Variants in ADAMTSL1 observed in about 807,000 individuals in gnomAD.
ADAMTSL1 encodes the protein ADAMTS like 1.
ADAMTSL1 carries 126 observed loss-of-function variants against 201.8 expected under a neutral mutation model. The observed-to-expected ratio is 0.62, with a 90% CI of 0.54 to 0.72. The LOEUF (loss-of-function observed/expected upper bound fraction) is 0.72, where lower values mean the gene tolerates loss of function less well. Among genes scored for constraint, ADAMTSL1 ranks in the 30% least tolerant of loss-of-function variants. The pLI is 0.00. For missense variants in ADAMTSL1, 2,679 were observed against 2,277.8 expected (o/e 1.18, Z -3.59); for synonymous variants, 1,121 against 903.4 (o/e 1.24, Z -4.32).
At chr9:18,371,083 T>C (rs1006359380) in intron 2 of ADAMTSL1, among the ~76,000 whole-genome samples, 5 of 152,202 alleles carry the variant, frequency 3.3e-5, no homozygotes, top group Admixed American at 2.6e-4. Flanking sequence ...CATATCTCAA[T>C]TTAAAAACTA....
intron 23 of ADAMTSL1, among the ~76,000 whole-genome samples, chr9:18,835,252 C>T (rs1742880823): frequency 6.6e-6 from 1 of 152,010 alleles, no homozygotes; most frequent in African/African-American, 2.4e-5. Flanking sequence ...TGTTTATTTG[C>T]CATCCTGATT....
intron 2 of ADAMTSL1, among the ~76,000 whole-genome samples, chr9:18,364,785 G>A (rs1328926251): frequency 6.6e-6 from 1 of 152,112 alleles, no homozygotes; most frequent in Non-Finnish European, 1.5e-5. Flanking sequence ...AATCATGGGG[G>A]AAGGTGAAGG....
At chr9:18,137,276 G>A (rs1459905580) in intron 1 of ADAMTSL1, among the ~76,000 whole-genome samples, 1 of 152,118 alleles carries the variant, frequency 6.6e-6, no homozygotes, top group Non-Finnish European at 1.5e-5. Context: ...ACATAAGTTT[G>A]AAAACAGATG....
At chr9:17,933,429 G>A (rs1588438236) in intron 1 of ADAMTSL1, among the ~76,000 whole-genome samples, 1 of 152,124 alleles carries the variant, frequency 6.6e-6, no homozygotes, top group East Asian at 1.9e-4. Flanking sequence ...AGATAGGGCA[G>A]GGCATATTTT....
chr9:18,867,697 G>A (rs1306098963), intron 23 of ADAMTSL1, among the ~76,000 whole-genome samples: 1 of 152,034 alleles, frequency 6.6e-6, no homozygotes, highest in African/African-American at 2.4e-5. Context: ...TGTGATCTCA[G>A]CTCACTGCAA....
intron 2 of ADAMTSL1, among the ~76,000 whole-genome samples, chr9:18,353,439 C>T (rs889639397): frequency 6.6e-6 from 1 of 152,152 alleles, no homozygotes; most frequent in Admixed American, 6.5e-5. Context: ...GAGATAAATT[C>T]GTGGACATCC....
At chr9:18,784,023 G>C (rs78948400) in intron 19 of ADAMTSL1, among the ~76,000 whole-genome samples, 1 of 152,210 alleles carries the variant, frequency 6.6e-6, no homozygotes, top group Non-Finnish European at 1.5e-5. Flanking sequence ...TTGACATCCA[G>C]TTATCTCTCC....
At chr9:18,362,241 C>G (rs1836558587) in intron 2 of ADAMTSL1, 1 of 152,120 alleles carries the variant, frequency 6.6e-6, no homozygotes, top group Non-Finnish European at 1.5e-5. Flanking sequence ...GAGCAGAATG[C>G]AAAAGCAGTT....
At chr9:18,316,430 G>C (rs755416011) in intron 2 of ADAMTSL1, among the ~76,000 whole-genome samples, 12 of 152,034 alleles carry the variant, frequency 7.9e-5, no homozygotes, top group African/African-American at 2.9e-4. Flanking sequence ...ACCTGGGGGG[G>C]CCGTTTATAG....
chr9:18,716,539 T>TACC (rs1832949277), intron 14 of ADAMTSL1, among the ~76,000 whole-genome samples: 2 of 149,668 alleles, frequency 1.3e-5, no homozygotes, highest in African/African-American at 4.9e-5. Flanking sequence ...CACAATGAGA[T>TACC]ACCATCTCAC....
chr9:18,391,143 C>A (rs1264193576), intron 2 of ADAMTSL1, among the ~76,000 whole-genome samples: 1 of 152,146 alleles, frequency 6.6e-6, no homozygotes, highest in East Asian at 1.9e-4. Flanking sequence ...GGAGGGAAAT[C>A]TCATTTATTT....
chr9:18,143,688 C>A (rs1826502030), intron 1 of ADAMTSL1, among the ~76,000 whole-genome samples: 1 of 152,118 alleles, frequency 6.6e-6, no homozygotes, highest in Admixed American at 6.6e-5. Context: ...CTTCATTCTG[C>A]AAATTCTCAA....
rs138492683 is a variant in ADAMTSL1, at chr9:18,777,603, G to T, written c.3374G>T (p.Arg1125Leu). 4.3e-6 allele frequency: 7 copies of T among 1,613,002 alleles called. No homozygotes were observed. The highest frequency in any genetic ancestry group is 1.3e-5 in the African/African-American group (1 of 74,902). The part of the protein sequence containing the change: ...HQDTLLKPSE[R>L]RTSPVTLSPH... ...GACACGCTCCTGAAGCCCTCGGAGC[G>T]CAGGACTTCCCCAGTGACTCTCTCG... The change falls in exon 19 of 29, where the codon CGC (arginine) becomes CTC (leucine). Residue 1125 changes from arginine (R) to leucine (L), a missense_variant. Physicochemically the swap from Arg to Leu is moderately radical, Grantham distance 102. Transcript: ENST00000380548.
chr9:18,035,350 A>G (rs1040466731), intron 1 of ADAMTSL1, among the ~76,000 whole-genome samples: 1 of 152,170 alleles, frequency 6.6e-6, no homozygotes, highest in African/African-American at 2.4e-5. Flanking sequence ...AAGTGGACCT[A>G]TCGTTTTCTC....
At chr9:17,914,814 T>C (rs934332505) in intron 1 of ADAMTSL1, among the ~76,000 whole-genome samples, 4 of 152,018 alleles carry the variant, frequency 2.6e-5, no homozygotes, top group Non-Finnish European at 5.9e-5. Flanking sequence ...GATAAGCAAC[T>C]TCAGCAAAGT....
chr9:18,319,357 A>C (rs1026424004), intron 2 of ADAMTSL1, among the ~76,000 whole-genome samples: 1 of 152,206 alleles, frequency 6.6e-6, no homozygotes, highest in Non-Finnish European at 1.5e-5. Flanking sequence ...ATGTGGCCTC[A>C]GCCTATTGAT....
intron 2 of ADAMTSL1, among the ~76,000 whole-genome samples, chr9:18,357,643 A>T (rs2133059945): frequency 6.6e-6 from 1 of 152,150 alleles, no homozygotes; most frequent in South Asian, 2.1e-4. Context: ...TCTGAATTGT[A>T]TTCTTTAGTT....
chr9:18,460,265 A>G (rs1820758938), intron 2 of ADAMTSL1, among the ~76,000 whole-genome samples: 1 of 152,164 alleles, frequency 6.6e-6, no homozygotes, highest in Non-Finnish European at 1.5e-5. Flanking sequence ...TAGTAAATAA[A>G]CACCGTATCT....
intron 23 of ADAMTSL1, among the ~76,000 whole-genome samples, chr9:18,864,605 G>T (rs1827393244): frequency 6.6e-6 from 1 of 152,150 alleles, no homozygotes; most frequent in South Asian, 2.1e-4. Context: ...TTCTGCTGAG[G>T]GTGCGAGGAA....
Sources: allele counts gnomAD v4.1 joint callset (sites outside exome capture counted in the v4.1 genomes callset), GRCh38; gene constraint gnomAD v4.1.1; transcripts MANE v1.5; gene names NCBI Gene and HGNC (gene_info 2026-07-23, HGNC 2026-07-21).